Variants in BNC2 observed in about 807,000 individuals in gnomAD.
BNC2 encodes the protein basonuclin zinc finger protein 2.
In BNC2, 20 loss-of-function variants were observed where a neutral mutation model predicts 76.3. That is an observed-to-expected ratio of 0.26 (90% CI 0.18 to 0.38). The LOEUF is 0.38. Ranked by LOEUF, BNC2 falls within the 10% of genes least tolerant of loss-of-function variation. The pLI is 1.00. For synonymous variants in BNC2, 582 were observed against 514.8 expected (o/e 1.13, Z -1.77); for missense variants, 1,382 against 1,399.8 (o/e 0.99, Z 0.20).
chr9:16,634,878 T>C (rs1821276357), intron 3 of BNC2, among the ~76,000 whole-genome samples: 1 of 114,636 alleles, frequency 8.7e-6, no homozygotes, highest in South Asian at 3.0e-4. Flanking sequence ...CACATACTAA[T>C]AAAGGTGTTT....
At chr9:16,493,563 T>C (rs929572115) in intron 5 of BNC2, among the ~76,000 whole-genome samples, 1 of 152,148 alleles carries the variant, frequency 6.6e-6, no homozygotes, top group Non-Finnish European at 1.5e-5. Flanking sequence ...CTGTCCCTCC[T>C]TTCTCCAGTT....
At chr9:16,870,276 C>G (rs1233438339) in intron 1 of BNC2, among the ~76,000 whole-genome samples, 2 of 152,168 alleles carry the variant, frequency 1.3e-5, no homozygotes. Context: ...ATTCATCCCC[C>G]ACTCCCCTCC....
intron 1 of BNC2, among the ~76,000 whole-genome samples, chr9:16,769,771 C>T (rs188542504): frequency 3.9e-5 from 6 of 152,284 alleles, no homozygotes; most frequent in Admixed American, 3.9e-4. Flanking sequence ...ACAATAAGCA[C>T]TGGATAACAG....
rs1449421550 is a variant in BNC2, at chr9:16,437,377, C to T, written c.817G>A (p.Val273Ile). The T allele has an allele frequency of 1.6e-5, 25 of 1,612,582 alleles. No individual in the cohort carries two copies. Among genetic ancestry groups the T allele is most frequent in the Non-Finnish European group, 2.0e-5 (24 of 1,178,752 alleles). The stretch of plus-strand genomic sequence containing the variant: ...TCTGAGTCTGTCTTTGAAGATGGTA[C>T]AGCCACGGCCTGCCCTTCTTTCTCC... The part of the protein sequence containing the change: ...IQEKEGQAVA[V>I]PSSKTDSDIR... The change falls in exon 6 of 7, where the codon GTA becomes ATA. Residue 273 changes from valine to isoleucine, a missense_variant. By Grantham distance (29) the Val-to-Ile change is conservative. This residue lies in a region of BNC2 where 557 missense variants were observed against 540.9 expected (regional missense o/e 1.03). Transcript: ENST00000380672.
intron 5 of BNC2, among the ~76,000 whole-genome samples, chr9:16,534,827 C>A (rs943438066): frequency 6.6e-6 from 1 of 152,008 alleles, no homozygotes; most frequent in Non-Finnish European, 1.5e-5. Context: ...CAGAAAAAAT[C>A]AAAACTTTTA....
At chr9:16,458,550 T>C (rs1187672811) in intron 5 of BNC2, among the ~76,000 whole-genome samples, 1 of 152,180 alleles carries the variant, frequency 6.6e-6, no homozygotes, top group Non-Finnish European at 1.5e-5. Context: ...GCTAGAGTCA[T>C]GAGATAATTT....
Position 16,435,788 on chromosome 9 carries a change from G to T in BNC2, c.2406C>A (p.Ala802=), listed in dbSNP as rs772256262. Residue 802 remains alanine (A), a synonymous_variant, in exon 6 of 7, where the codon GCC becomes GCA. Coordinates refer to ENST00000380672, the MANE Select transcript of BNC2 (RefSeq NM_017637.6). ...GLYNGGGASM[A]ALHESFTSSL... ...ACGATGTAAAGCTCTCATGCAAGGC[G>T]GCCATGCTGGCACCCCCACCATTGT... 4 of 1,613,996 alleles carry T rather than the reference G, an allele frequency of 2.5e-6. No homozygotes were observed.
At chr9:16,683,447 C>A (rs1186926135) in intron 3 of BNC2, among the ~76,000 whole-genome samples, 2 of 152,138 alleles carry the variant, frequency 1.3e-5, no homozygotes, top group Non-Finnish European at 2.9e-5. Flanking sequence ...AATCAAGAGG[C>A]CAAACAGCAA....
intron 5 of BNC2, among the ~76,000 whole-genome samples, chr9:16,439,053 G>A (rs970108301): frequency 6.6e-6 from 1 of 152,018 alleles, no homozygotes; most frequent in Non-Finnish European, 1.5e-5. Flanking sequence ...GAGATCTGAT[G>A]GTTTATAAAG....
At chr9:16,714,062 C>T (rs1440796477) in intron 3 of BNC2, among the ~76,000 whole-genome samples, 1 of 152,192 alleles carries the variant, frequency 6.6e-6, no homozygotes, top group East Asian at 1.9e-4. Flanking sequence ...GCCTGGGCCA[C>T]AGAACCACAC....
Position 16,793,883 on chromosome 9 carries a change from T to A in BNC2, c.4-55398A>T, listed in dbSNP as rs1400316889. Among the ~76,000 whole-genome samples the A allele has an allele frequency of 5.4e-3, 786 of 145,182 alleles. 9 individuals are homozygous for A. The highest frequency in any genetic ancestry group is 0.019 in the African/African-American group (743 of 39,242). On this transcript the variant is annotated intron_variant, in intron 1 of 6. Coordinates refer to ENST00000380672, the MANE Select transcript of BNC2 (RefSeq NM_017637.6). ...TTGTTTTTTTGTTTTTTTTTTTTTT[T>A]AGTAGAGACGGAGTTTCACCGTGTT...
intron 4 of BNC2, among the ~76,000 whole-genome samples, chr9:16,579,087 G>A (rs139674039): frequency 7.9e-5 from 12 of 152,214 alleles, no homozygotes; most frequent in African/African-American, 2.6e-4. Context: ...TGGTGGTAAG[G>A]TAGGAAATCC....
chr9:16,663,205 C>T (rs1822165083), intron 3 of BNC2, among the ~76,000 whole-genome samples: 2 of 147,588 alleles, frequency 1.4e-5, no homozygotes, highest in Non-Finnish European at 3.0e-5. Flanking sequence ...TCCCGGCTCA[C>T]TGCAACCTCC....
rs546779727 is a variant in BNC2 at position 16,458,922 on chromosome 9, C to T, written c.670-21398G>A. On this transcript the variant is annotated intron_variant, in intron 5 of 6. Coordinates refer to ENST00000380672, the MANE Select transcript of BNC2 (RefSeq NM_017637.6). ...GAGAACAATGAGCAAATACATGCAC[C>T]GTCCTTCTGTTTAGTTTCCTGGTTT... Among the ~76,000 whole-genome samples the T allele has an allele frequency of 2.0e-5, 3 of 152,262 alleles. No homozygotes were observed. The South Asian group carries it at 6.2e-4, about 32-fold the overall frequency.
intron 1 of BNC2, among the ~76,000 whole-genome samples, chr9:16,870,401 C>T (rs944295805): frequency 6.6e-6 from 1 of 152,206 alleles, no homozygotes; most frequent in East Asian, 2.0e-4. Flanking sequence ...TCACGTGCAC[C>T]CTCCCACCTA....
chr9:16,539,644 AG>A (rs1818244048), intron 5 of BNC2, among the ~76,000 whole-genome samples: 1 of 38,284 alleles, frequency 2.6e-5, no homozygotes, highest in African/African-American at 1.2e-4. Flanking sequence ...CGAGGGAGGG[AG>A]AGAGAGAGAG....
chr9:16,482,485 A>T (rs1457424669), intron 5 of BNC2, among the ~76,000 whole-genome samples: 1 of 152,200 alleles, frequency 6.6e-6, no homozygotes, highest in Non-Finnish European at 1.5e-5. Context: ...CTTATATTGA[A>T]CAACAAAAGA....
At chr9:16,678,235 G>C (rs918711541) in intron 3 of BNC2, among the ~76,000 whole-genome samples, 16 of 142,934 alleles carry the variant, frequency 1.1e-4, no homozygotes, top group Non-Finnish European at 1.2e-4. Flanking sequence ...CGAAGTTCCA[G>C]ACCATAACTT....
At chr9:16,705,275 A>G (rs866223307) in intron 3 of BNC2, among the ~76,000 whole-genome samples, 32 of 152,268 alleles carry the variant, frequency 2.1e-4, no homozygotes, top group East Asian at 7.7e-4. Context: ...TGCACTAGTC[A>G]CAACAGACTA....
Sources: allele counts gnomAD v4.1 joint callset (sites outside exome capture counted in the v4.1 genomes callset), GRCh38; gene constraint gnomAD v4.1.1; regional missense constraint gnomAD v4.1.1; transcripts MANE v1.5; gene names NCBI Gene and HGNC (gene_info 2026-07-23, HGNC 2026-07-21).